Variants in CUBN observed in about 807,000 individuals in gnomAD.
CUBN encodes cubilin.
In CUBN, 282 loss-of-function variants were observed where a neutral mutation model predicts 405.3. That is an observed-to-expected ratio of 0.70 (90% CI 0.63 to 0.77). The LOEUF (loss-of-function observed/expected upper bound fraction) is 0.77. CUBN is among the 30% of genes least tolerant of loss of function. The pLI is 0.00. For synonymous variants in CUBN, 1,684 were observed against 1,617.0 expected (o/e 1.04, Z -0.99); for missense variants, 4,514 against 4,475.2 (o/e 1.01, Z -0.25).
At chr10:16,960,446 G>A (rs1843184739) in intron 31 of CUBN, among the ~76,000 whole-genome samples, 1 of 151,990 alleles carries the variant, frequency 6.6e-6, no homozygotes, top group African/African-American at 2.4e-5. Flanking sequence ...GAGTGGAGAT[G>A]GTGCCACTGT....
At chr10:16,864,948 CTTTTTTTTTTTTTTTT>C (rs35045969) in intron 59 of CUBN, among the ~76,000 whole-genome samples, 8 of 50,024 alleles carry the variant, frequency 1.6e-4, no homozygotes, top group Non-Finnish European at 2.4e-4. Context: ...CCATGCCCAG[CTTTTTTTTTTTTTTTT>C]TTTTTTTTTT....
At chr10:16,915,755 C>A (rs1841864633) in intron 46 of CUBN, 66 bp downstream of exon 46, 1 of 1,384,550 alleles carries the variant, frequency 7.2e-7, no homozygotes, top group Non-Finnish European at 1.0e-6. Context: ...AGTGAAGAAA[C>A]TTCAGAGGCT....
chr10:16,857,742 G>C (rs540183039), intron 59 of CUBN, among the ~76,000 whole-genome samples: 1 of 152,050 alleles, frequency 6.6e-6, no homozygotes, highest in Non-Finnish European at 1.5e-5. Context: ...AATACTAAAC[G>C]CTTTCTCCCT....
Position 16,876,951 on chromosome 10 carries a change from A to G in CUBN, c.9052T>C (p.Tyr3018His). ...AAGTCTGTGATTTGCTCGTTGGAGT[A>G]GAAGTTAAGCAGAACCGGCCCAGCG... The part of the protein sequence containing the change: ...TIAGPVLLNF[Y>H]SNEQITDFGF... The change falls in exon 57 of 67, where the codon TAC becomes CAC. Residue 3018 changes from tyrosine (Y) to histidine (H), a missense_variant. Coordinates refer to ENST00000377833, the MANE Select transcript of CUBN (RefSeq NM_001081.4). The G allele has an allele frequency of 6.2e-7, 1 of 1,614,230 alleles. No homozygotes were observed. The highest frequency in any genetic ancestry group is 8.5e-7 in the Non-Finnish European group (1 of 1,180,046).
rs565801960 is a variant in CUBN at position 16,855,542 on chromosome 10, C to T, written c.9455-4099G>A. 7.2e-5 allele frequency among the ~76,000 whole-genome samples: 11 copies of T among 152,234 alleles called. No individual in the cohort carries two copies. In the South Asian group the frequency reaches 1.0e-3, roughly 14 times the overall value. The stretch of plus-strand genomic sequence containing the variant: ...CTTGAACCCAGACTCAACTTTACAG[C>T]CAACTACAGCCAACCCGCAGCTTGG... On this transcript the variant is annotated intron_variant, in intron 59 of 66. Transcript: ENST00000377833.
intron 59 of CUBN, among the ~76,000 whole-genome samples, chr10:16,858,253 C>A (rs1034165261): frequency 1.3e-5 from 2 of 152,156 alleles, no homozygotes; most frequent in African/African-American, 4.8e-5. Flanking sequence ...AGATTTAATG[C>A]AATTCCTATA....
rs181636422 is a variant in CUBN, at chr10:16,978,374, T to C, written c.4695+4110A>G. Among the ~76,000 whole-genome samples, 468 of 152,350 alleles carry C rather than the reference T, an allele frequency of 3.1e-3. 2 individuals are homozygous for C. Among genetic ancestry groups the C allele is most frequent in the Non-Finnish European group, 4.1e-3 (278 of 68,034 alleles). On this transcript the variant is annotated intron_variant, in intron 31 of 66. Coordinates refer to ENST00000377833, the MANE Select transcript of CUBN (RefSeq NM_001081.4). Reference sequence around the variant, plus strand: ...CATTGGCTACTTTTAGAAAGATGTTTGTAAATGTCATCCAAAATTTCAAAA... The same window carrying C: ...CATTGGCTACTTTTAGAAAGATGTTCGTAAATGTCATCCAAAATTTCAAAA...
chr10:17,062,010 G>T (rs1835515283), intron 22 of CUBN, among the ~76,000 whole-genome samples: 1 of 152,130 alleles, frequency 6.6e-6, no homozygotes, highest in Admixed American at 6.5e-5. Context: ...AACTGGAATA[G>T]ATTTGTGCTT....
At chr10:17,023,555 T>A (rs886888627) in intron 27 of CUBN, 11 of 455,280 alleles carry the variant, frequency 2.4e-5, no homozygotes, top group Non-Finnish European at 4.4e-5. Context: ...AAATACAGGT[T>A]ACCATGGAAA....
At chr10:17,092,088 G>A (rs775571794) in intron 14 of CUBN, among the ~76,000 whole-genome samples, 3 of 152,088 alleles carry the variant, frequency 2.0e-5, no homozygotes, top group Non-Finnish European at 2.9e-5. Flanking sequence ...CCACAGGGAC[G>A]ATACGGAGAA....
chr10:17,122,773 C>CA lies in CUBN; in HGVS notation c.593+21dup, dbSNP rs35530629. The CA allele has an allele frequency of 0.21, 254,718 of 1,226,850 alleles. 2,027 individuals carry two copies. Among genetic ancestry groups the CA allele is most frequent in the Middle Eastern group, 0.25 (1,066 of 4,218 alleles). 76.0% of individuals were successfully genotyped at this position (1,226,850 alleles called of 1,614,324 possible). On this transcript the variant is annotated intron_variant, in intron 6 of 66. Transcript: ENST00000377833. ...CCTTCAAAAATATACTGATATTTAC[C>CA]AAAAAAAAAAAAAAAAGTTACCTGT...
chr10:17,023,962 G>A (rs1020334553), intron 27 of CUBN, among the ~76,000 whole-genome samples: 3 of 151,770 alleles, frequency 2.0e-5, no homozygotes, highest in Non-Finnish European at 2.9e-5. Context: ...TAGGATTTTC[G>A]TGGCTTAGGT....
chr10:16,853,303 T>C (rs550247407), intron 59 of CUBN, among the ~76,000 whole-genome samples: 2 of 152,358 alleles, frequency 1.3e-5, no homozygotes, highest in South Asian at 4.1e-4. Context: ...TACACAAATA[T>C]AGGTCATGGC....
chr10:16,869,558 G>GC (rs1491290410), intron 59 of CUBN, 78 bp downstream of exon 59: 2 of 488,662 alleles, frequency 4.1e-6, no homozygotes, highest in South Asian at 2.1e-5. Context: ...AGGTGGGGGT[G>GC]GGGGGGGGGC....
Position 16,840,374 on chromosome 10 carries a change from G to C in CUBN, c.9988C>G (p.Gln3330Glu), listed in dbSNP as rs1218886748. The C allele has an allele frequency of 1.2e-6, 2 of 1,614,048 alleles. No homozygotes were observed. Among genetic ancestry groups the C allele is most frequent in the African/African-American group, 1.3e-5 (1 of 74,914 alleles). The change falls in exon 62 of 67, where the codon CAA becomes GAA. Residue 3330 changes from glutamine to glutamate, a missense_variant. Transcript: ENST00000377833. ...TGTAAGTAATTCTGCGTGCAGTCTT[G>C]CGAGGTCAGCTGTAATGCCCACACA... The part of the protein sequence containing the change: ...ITVWALQLTS[Q>E]DCTQNYLQLQ...
At chr10:16,914,524 C>G (rs1004961912) in intron 47 of CUBN, among the ~76,000 whole-genome samples, 16 of 151,780 alleles carry the variant, frequency 1.1e-4, no homozygotes, top group African/African-American at 3.6e-4. Flanking sequence ...ATGCCACTGC[C>G]CTCCAGCCTG....
At chr10:16,904,981 G>A (rs1334360619) in intron 50 of CUBN, among the ~76,000 whole-genome samples, 1 of 152,144 alleles carries the variant, frequency 6.6e-6, no homozygotes, top group Non-Finnish European at 1.5e-5. Flanking sequence ...CCCTTGGCCC[G>A]TGGGTACAGG....
At chr10:17,126,983 T>G (rs565057897) in intron 3 of CUBN, among the ~76,000 whole-genome samples, 184 bp from the exon 4 acceptor site, 1 of 152,298 alleles carries the variant, frequency 6.6e-6, no homozygotes, top group South Asian at 2.1e-4. Flanking sequence ...TATTCCCTCC[T>G]ATCACATAGA....
rs997519982 is a variant in CUBN at position 17,079,234 on chromosome 10, T to C, written c.2301+5037A>G. On this transcript the variant is annotated intron_variant, in intron 17 of 66. Transcript: ENST00000377833. The stretch of plus-strand genomic sequence containing the variant: ...ATCCAATATGCTCAAGAATGCAAAC[T>C]CTTTTTTTTTTTTTTTTTTTAGATG... Among the ~76,000 whole-genome samples, 21 of 82,858 alleles carry C rather than the reference T, an allele frequency of 2.5e-4. No individual in the cohort carries two copies. In the Admixed American group the frequency reaches 2.7e-3, roughly 11 times the overall value. 54.4% of individuals were successfully genotyped at this position (82,858 alleles called of 152,430 possible). A position where few individuals can be genotyped will look rare whatever the true frequency, so the allele number is the denominator to read the frequency against.
Sources: allele counts gnomAD v4.1 joint callset (sites outside exome capture counted in the v4.1 genomes callset), GRCh38; gene constraint gnomAD v4.1.1; transcripts MANE v1.5; gene names NCBI Gene and HGNC (gene_info 2026-07-23, HGNC 2026-07-21).